EPHB4: variants seen among roughly 807,000 people sequenced by gnomAD.
The protein encoded by EPHB4 is EPH receptor B4.
A neutral mutation model predicts 110.6 loss-of-function variants in EPHB4; 50 were observed. The observed-to-expected ratio is 0.45, with a 90% CI of 0.36 to 0.57. The LOEUF (loss-of-function observed/expected upper bound fraction) is 0.57. EPHB4 is among the 20% of genes least tolerant of loss of function. EPHB4 has a pLI of 0.00. For missense variants in EPHB4, 1,128 were observed against 1,382.1 expected (o/e 0.82, Z 2.91); for synonymous variants, 592 against 578.4 (o/e 1.02, Z -0.34).
intron 1 of EPHB4, among the ~76,000 whole-genome samples, chr7:100,826,186 A>G (rs1312270133): frequency 6.6e-6 from 1 of 152,234 alleles, no homozygotes; most frequent in Non-Finnish European, 1.5e-5. Flanking sequence ...CAGGAGGGAC[A>G]GCGATCCATG....
intron 16 of EPHB4, among the ~76,000 whole-genome samples, chr7:100,803,991 T>C (rs922822125): frequency 5.3e-5 from 8 of 151,686 alleles, no homozygotes; most frequent in Admixed American, 5.3e-4. Context: ...GGCTGGAGGC[T>C]GAGATAAGGG....
chr7:100,803,956 T>G, intron 16 of EPHB4, among the ~76,000 whole-genome samples: 1 of 151,118 alleles, frequency 6.6e-6, no homozygotes. Context: ...AAGAGCTGGG[T>G]GGAGAGGAAG....
chr7:100,803,984 T>C (rs1812758103), intron 16 of EPHB4, among the ~76,000 whole-genome samples: 1 of 152,000 alleles, frequency 6.6e-6, no homozygotes, highest in Admixed American at 6.6e-5. Flanking sequence ...TGCTGATGGC[T>C]GGAGGCTGAG....
rs1275681407 is a variant in EPHB4 at position 100,806,437 on chromosome 7, C to T, written c.2467G>A (p.Asp823Asn). 2 of 1,613,668 alleles carry T rather than the reference C, an allele frequency of 1.2e-6. No individual in the cohort carries two copies. Among genetic ancestry groups the T allele is most frequent in the Non-Finnish European group, 1.7e-6 (2 of 1,179,826 alleles). ...VMSFGERPYW[D>N]MSNQDVINAI... ...ACACTTACGTCCTGATTGCTCATGT[C>T]CCAGTACGGCCTCTCCCCAAATGAC... Residue 823 changes from aspartate (D) to asparagine (N), a missense_variant, in exon 14 of 17, where the codon GAC becomes AAC. By Grantham distance (23) the Asp-to-Asn change is conservative. Coordinates refer to ENST00000358173, the MANE Select transcript of EPHB4 (RefSeq NM_004444.5).
rs1390966811 is a variant in EPHB4 at position 100,813,654 on chromosome 7, T to C, written c.1754A>G (p.His585Arg). 1 of 1,614,068 alleles carries C rather than the reference T, an allele frequency of 6.2e-7. No individual in the cohort carries two copies. The highest frequency in any genetic ancestry group is 2.2e-5 in the East Asian group (1 of 44,878). ...CCCATCAAATTAGGGCAACCCACCA[T>C]GTCCGATGAGATACTGTCCGTGTTT... Reference protein sequence around the residue: ...SDKHGQYLIGHGTKVYIDPFT... With the variant: ...SDKHGQYLIGRGTKVYIDPFT... Residue 585 changes from histidine to arginine, a missense_variant and splice_region_variant, in exon 10 of 17, where the codon CAT becomes CGT. His to Arg is a conservative substitution (Grantham distance 29). Around this residue, in one of 3 missense-constraint regions of EPHB4, gnomAD observed 728 missense variants for 828.6 expected, o/e 0.88. Transcript: ENST00000358173.
intron 7 of EPHB4, among the ~76,000 whole-genome samples, chr7:100,818,018 C>A (rs1382750134): frequency 6.6e-6 from 1 of 151,818 alleles, no homozygotes; most frequent in East Asian, 1.9e-4. Flanking sequence ...AGGCGCCTGC[C>A]ACCGCGCCTG....
At chr7:100,817,912 G>A (rs1189157644) in intron 7 of EPHB4, among the ~76,000 whole-genome samples, 3 of 116,926 alleles carry the variant, frequency 2.6e-5, no homozygotes, top group African/African-American at 9.5e-5. Context: ...TTTCGCCCAG[G>A]CCGGACTGCA....
At chr7:100,814,917 T>C (rs1813029631) in intron 8 of EPHB4, among the ~76,000 whole-genome samples, 2 of 152,056 alleles carry the variant, frequency 1.3e-5, no homozygotes, top group Non-Finnish European at 2.9e-5. Context: ...CTCAGGAGGC[T>C]GAGGTAGGAG....
Position 100,813,215 on chromosome 7 carries a change from A to G in EPHB4, c.1757-7T>C. 1 of 1,598,660 alleles carries G rather than the reference A, an allele frequency of 6.3e-7. No individual in the cohort carries two copies. On this transcript the variant is annotated splice_polypyrimidine_tract_variant and splice_region_variant and intron_variant, in intron 10 of 16. Transcript: ENST00000358173. Reference sequence around the variant, plus strand: ...TCGATGTAGACCTTAGTACCTGAGAAATCAGGCAGGGCCCCGTCAGCTGGG... The same window carrying G: ...TCGATGTAGACCTTAGTACCTGAGAGATCAGGCAGGGCCCCGTCAGCTGGG...
At chr7:100,825,828 T>C (rs1360597630) in intron 1 of EPHB4, among the ~76,000 whole-genome samples, 3 of 152,206 alleles carry the variant, frequency 2.0e-5, no homozygotes, top group African/African-American at 7.2e-5. Flanking sequence ...TTTGCGTCTT[T>C]CCTTCTCACC....
At position 100,817,215 on chromosome 7, in the gene EPHB4, T is replaced by C. The variant is rs1342423801; in HGVS notation, c.1565A>G (p.His522Arg). 2 of 1,583,898 alleles carry C rather than the reference T, an allele frequency of 1.3e-6. No homozygotes were observed. The highest frequency in any genetic ancestry group is 2.4e-5 in the East Asian group (1 of 41,724). The change falls in exon 8 of 17, where the codon CAT (histidine) becomes CGT (arginine). Residue 522 changes from histidine (H) to arginine (R), a missense_variant. By Grantham distance (29) the His-to-Arg change is conservative (BLOSUM62 0). This residue lies in a region of EPHB4 where 728 missense variants were observed against 828.6 expected (regional missense o/e 0.88). Coordinates refer to ENST00000358173, the MANE Select transcript of EPHB4 (RefSeq NM_004444.5). ...ACCATCCAGTTGGGTCTGGCTGTGA[T>C]GTTCCTGGCCGAAGGGCCCGTAGCC... ...EAGYGPFGQE[H>R]HSQTQLDESE...
chr7:100,814,591 C>T (rs1487663932), intron 8 of EPHB4, among the ~76,000 whole-genome samples: 1 of 152,252 alleles, frequency 6.6e-6, no homozygotes, highest in East Asian at 1.9e-4. Flanking sequence ...TTCAATGAAA[C>T]GTTCTAAAGG....
intron 1 of EPHB4, chr7:100,826,777 C>T: frequency 3.7e-6 from 2 of 546,628 alleles, no homozygotes; most frequent in East Asian, 3.1e-5. Context: ...CCATCTCTTT[C>T]CCAAACAAAA....
chr7:100,824,793 CA>C (rs1389541322), intron 1 of EPHB4: 1 of 158,862 alleles, frequency 6.3e-6, no homozygotes, highest in African/African-American at 2.4e-5. Flanking sequence ...GTGCCTGGGG[CA>C]TAGCCCTGGC....
At chr7:100,826,669 G>A (rs1466605225) in intron 1 of EPHB4, among the ~76,000 whole-genome samples, 1 of 152,104 alleles carries the variant, frequency 6.6e-6, no homozygotes, top group African/African-American at 2.4e-5. Context: ...TTGAATAGTG[G>A]GGTAGGGAGG....
chr7:100,820,138 T>C lies in EPHB4; in HGVS notation c.964+3A>G. The C allele has an allele frequency of 6.2e-7, 1 of 1,613,312 alleles. No homozygotes were observed. On this transcript the variant is annotated splice_donor_region_variant and intron_variant, in intron 5 of 16. Coordinates refer to ENST00000358173, the MANE Select transcript of EPHB4 (RefSeq NM_004444.5). ...GAACTGCACCTGGGTGCTGGTCACT[T>C]ACTGGTGCAGGGTGCACCCCGGGGG...
At chr7:100,807,684 C>T in intron 12 of EPHB4, 104 bp from the exon 13 acceptor site, 1 of 1,233,042 alleles carries the variant, frequency 8.1e-7, no homozygotes, top group Non-Finnish European at 1.1e-6. Flanking sequence ...TTCTGTCGCC[C>T]AGGCTGGAGT....
chr7:100,823,564 A>T (rs1813294626), intron 3 of EPHB4, 80 bp downstream of exon 3: 5 of 1,546,810 alleles, frequency 3.2e-6, no homozygotes, highest in Non-Finnish European at 4.4e-6. Context: ...TCGCAACTAC[A>T]TCGGCTGCCC....
intron 12 of EPHB4, among the ~76,000 whole-genome samples, chr7:100,808,418 G>A (rs1247791608): frequency 6.6e-6 from 1 of 151,932 alleles, no homozygotes; most frequent in Non-Finnish European, 1.5e-5. Context: ...GTAGATATGG[G>A]GTCTCACTGT....
Sources: gnomAD v4.1 joint callset for allele counts (sites outside exome capture counted in the v4.1 genomes callset) on GRCh38, gnomAD v4.1.1 for gene constraint, gnomAD v4.1.1 regional missense constraint, MANE v1.5 for transcripts, NCBI Gene and HGNC (gene_info 2026-07-23, HGNC 2026-07-21) for gene names.